Variants in DONSON observed in about 807,000 individuals in gnomAD.
DONSON encodes protein downstream neighbor of Son.
DONSON carries 43 observed loss-of-function variants against 62.1 expected under a neutral mutation model. The ratio of observed to expected loss-of-function variants is 0.69; its 90% CI spans 0.54 to 0.89. DONSON has a LOEUF of 0.89. Ranked by LOEUF, DONSON falls within the 40% of genes least tolerant of loss-of-function variation. DONSON has a pLI of 0.00. For synonymous variants in DONSON, 266 were observed against 264.6 expected, an observed-to-expected ratio of 1.01 and a Z score of -0.05; for missense variants, 696 against 697.5, an observed-to-expected ratio of 1.00 and a Z score of 0.03.
In DONSON at chr21:33,578,189, C is replaced by T. The variant is rs532257913; in HGVS notation, c.*118G>A. 1.9e-4 allele frequency: 200 copies of T among 1,075,122 alleles called. No homozygotes were observed. Among genetic ancestry groups the T allele is most frequent in the Non-Finnish European group, 2.5e-4 (187 of 759,772 alleles). 66.6% of individuals were successfully genotyped at this position (1,075,122 alleles called of 1,614,324 possible). A position where few individuals can be genotyped will look rare whatever the true frequency, so the allele number is the denominator to read the frequency against. ...AACACATTTAAAACCTTAGATGCTACTGTAGTAAAAGTTATGTTTATAAAC... is the reference window on the plus strand; with the variant it reads ...AACACATTTAAAACCTTAGATGCTATTGTAGTAAAAGTTATGTTTATAAAC... On this transcript the variant is annotated 3_prime_UTR_variant, in exon 10 of 10. Coordinates refer to ENST00000303071, the MANE Select transcript of DONSON (RefSeq NM_017613.4).
In DONSON at chr21:33,577,690, CACACACA is replaced by C. The variant is rs2086448296; in HGVS notation, c.*610_*616del. ...ACACACACACACACACACACACACA[CACACACA>C]CACACCCCTATAAGCACATTAAATA... On this transcript the variant is annotated 3_prime_UTR_variant, in exon 10 of 10. Transcript: ENST00000303071. 2 of 116,466 alleles carry C rather than the reference CACACACA, an allele frequency of 1.7e-5. No homozygotes were observed. Among genetic ancestry groups the C allele is most frequent in the African/African-American group, 3.8e-5 (1 of 26,200 alleles). The allele number at this position is 116,466 out of a possible 1,614,324, so 7.2% of individuals were successfully genotyped here.
chr21:33,586,851 T>C (rs1336187877), intron 2 of DONSON, among the ~76,000 whole-genome samples: 1 of 144,340 alleles, frequency 6.9e-6, no homozygotes, highest in African/African-American at 2.9e-5. Context: ...TTGGCCAGGC[T>C]GTTCGCGAAC....
chr21:33,579,587 A>C (rs777825261), intron 8 of DONSON, 25 bp from the exon 9 acceptor site: 1 of 1,599,828 alleles, frequency 6.3e-7, no homozygotes, highest in Non-Finnish European at 8.6e-7. Context: ...AAAGAAAAGG[A>C]AAATTAAGAT....
Position 33,581,465 on chromosome 21 carries a change from C to CTG in DONSON, c.1185_1186dup (p.Arg396ThrfsTer9). On this transcript the variant is annotated frameshift_variant, in exon 8 of 10. Transcript: ENST00000303071. LOFTEE classifies it high-confidence loss of function. ...TTTTACCAACACAACAGATTCAGGT[C>CTG]TGTGATCCATTTGTACTTCATGTTT... The CTG allele has an allele frequency of 6.2e-7, 1 of 1,613,878 alleles. No homozygotes were observed. Among genetic ancestry groups the CTG allele is most frequent in the Non-Finnish European group, 8.5e-7 (1 of 1,179,842 alleles).
In DONSON at chr21:33,577,636, C is replaced by CACACACACACACACCCCTAT. The variant is rs2086437813; in HGVS notation, c.*670_*671insATAGGGGTGTGTGTGTGTGT. 2.2e-5 allele frequency: 1 copy of CACACACACACACACCCCTAT among 44,966 alleles called. No individual in the cohort carries two copies. Among genetic ancestry groups the CACACACACACACACCCCTAT allele is most frequent in the Non-Finnish European group, 4.8e-5 (1 of 20,794 alleles). 2.8% of individuals were successfully genotyped at this position (44,966 alleles called of 1,614,324 possible). A position where few individuals can be genotyped will look rare whatever the true frequency, so the allele number is the denominator to read the frequency against. On this transcript the variant is annotated 3_prime_UTR_variant, in exon 10 of 10. Coordinates refer to ENST00000303071, the MANE Select transcript of DONSON (RefSeq NM_017613.4). ...ACACACACACACACACACACACACACACACACACACACACACACACACACA... is the reference window on the plus strand; with the variant it reads ...ACACACACACACACACACACACACACACACACACACACACCCCTATACACACACACACACACACACACACA...
In DONSON at chr21:33,588,584, G is replaced by A. The variant is rs1427574206; in HGVS notation, c.58C>T (p.Arg20Trp). Residue 20 changes from arginine to tryptophan, a missense_variant, in exon 1 of 10, where the codon CGG becomes TGG. Transcript: ENST00000303071. ...CTCCGGGCCCTTTTCCGTCGGAGCC[G>A]CACTACCTCGGGCGGCTTTCGGAAG... is the stretch of plus-strand genomic sequence containing the variant. Reference protein sequence around the residue: ...PGFRKPPEVVRLRRKRARSRG... With the variant: ...PGFRKPPEVVWLRRKRARSRG... 2.4e-6 allele frequency: 3 copies of A among 1,255,026 alleles called. No individual in the cohort carries two copies. The highest frequency in any genetic ancestry group is 2.0e-6 in the Non-Finnish European group (2 of 998,802). 77.7% of individuals were successfully genotyped at this position (1,255,026 alleles called of 1,614,324 possible). A position where few individuals can be genotyped will look rare whatever the true frequency, so the allele number is the denominator to read the frequency against.
At chr21:33,588,067 G>T (rs924095849) in intron 1 of DONSON, among the ~76,000 whole-genome samples, 1 of 152,132 alleles carries the variant, frequency 6.6e-6, no homozygotes, top group Non-Finnish European at 1.5e-5. Flanking sequence ...GCCCTCTGGG[G>T]CCCCCTCACT....
Position 33,577,641 on chromosome 21 carries a change from A to ACCCCTATAAG in DONSON, c.*665_*666insCTTATAGGGG, listed in dbSNP as rs2086438204. ...CACACACACACACACACACACACAC[A>ACCCCTATAAG]CACACACACACACACACACACACAC... On this transcript the variant is annotated 3_prime_UTR_variant, in exon 10 of 10. Transcript: ENST00000303071. The ACCCCTATAAG allele has an allele frequency of 1.6e-5, 1 of 64,196 alleles. No individual in the cohort carries two copies. The highest frequency in any genetic ancestry group is 3.5e-5 in the Non-Finnish European group (1 of 28,706). 4.0% of individuals were successfully genotyped at this position (64,196 alleles called of 1,614,324 possible).
At chr21:33,588,082 T>C (rs536701236) in intron 1 of DONSON, among the ~76,000 whole-genome samples, 1 of 152,178 alleles carries the variant, frequency 6.6e-6, no homozygotes, top group Admixed American at 6.5e-5. Flanking sequence ...CTCACTTTCC[T>C]CGGGAACGCG....
chr21:33,587,035 T>C (rs2086585048), intron 2 of DONSON, among the ~76,000 whole-genome samples: 1 of 152,188 alleles, frequency 6.6e-6, no homozygotes, highest in Non-Finnish European at 1.5e-5. Context: ...AAACTGGGTC[T>C]TGGAGAACTC....
rs867683188 is a variant in DONSON at position 33,588,591 on chromosome 21, C to T, written c.51G>A (p.Glu17=). 2 of 1,252,070 alleles carry T rather than the reference C, an allele frequency of 1.6e-6. No individual in the cohort carries two copies. Among genetic ancestry groups the T allele is most frequent in the Non-Finnish European group, 2.0e-6 (2 of 997,202 alleles). The allele number at this position is 1,252,070 out of a possible 1,614,324, so 77.6% of individuals were successfully genotyped here. The change falls in exon 1 of 10, where the codon GAG becomes GAA. Residue 17 remains glutamate (E), a synonymous_variant. Coordinates refer to ENST00000303071, the MANE Select transcript of DONSON (RefSeq NM_017613.4). ...CCCTTTTCCGTCGGAGCCGCACTACCTCGGGCGGCTTTCGGAAGCCCGGTG... is the reference window on the plus strand; with the variant it reads ...CCCTTTTCCGTCGGAGCCGCACTACTTCGGGCGGCTTTCGGAAGCCCGGTG... ...GYSPGFRKPP[E]VVRLRRKRAR... is the part of the protein sequence containing the mutation.
intron 8 of DONSON, among the ~76,000 whole-genome samples, chr21:33,580,711 G>A (rs1269294588): frequency 2.0e-5 from 3 of 151,662 alleles, no homozygotes; most frequent in Admixed American, 6.6e-5. Flanking sequence ...GTGAAACTCC[G>A]TCTATACTAA....
In DONSON at chr21:33,584,014, TTATATATATATATATA is replaced by T. The variant is rs57309977; in HGVS notation, c.786-364_786-349del. 3.0e-4 allele frequency among the ~76,000 whole-genome samples: 36 copies of T among 121,554 alleles called. No individual in the cohort carries two copies. In the South Asian group the frequency reaches 3.1e-3, roughly 11 times the overall value. 79.7% of individuals were successfully genotyped at this position (121,554 alleles called of 152,430 possible). Reference sequence around the variant, plus strand: ...GCATTAAAGAATTAGGGCTGCGTGTTTATATATATATATATATATATATATATATATACTTTTTTTT... The same window carrying T: ...GCATTAAAGAATTAGGGCTGCGTGTTTATATATATATATATACTTTTTTTT... On this transcript the variant is annotated intron_variant, in intron 4 of 9. Coordinates refer to ENST00000303071, the MANE Select transcript of DONSON (RefSeq NM_017613.4).
intron 7 of DONSON, 93 bp from the exon 8 acceptor site, chr21:33,581,593 T>C: frequency 9.8e-7 from 1 of 1,015,610 alleles, no homozygotes; most frequent in Non-Finnish European, 1.4e-6. Flanking sequence ...ACTCCTTTTC[T>C]CCATAATGAA....
chr21:33,582,108 A>G (rs1385715818), intron 6 of DONSON, 53 bp from the exon 7 acceptor site: 2 of 1,611,720 alleles, frequency 1.2e-6, no homozygotes, highest in African/African-American at 2.7e-5. Context: ...TCCTGTGCAA[A>G]TCTATTTCAT....
Position 33,577,617 on chromosome 21 carries a change from ACACACACACACACACACACAC to A in DONSON, c.*669_*689del, listed in dbSNP as rs2086435477. 3.2e-4 allele frequency: 1 copy of A among 3,078 alleles called. No homozygotes were observed. The highest frequency in any genetic ancestry group is 7.3e-4 in the African/African-American group (1 of 1,364). The allele number at this position is 3,078 out of a possible 1,614,324, so 0.2% of individuals were successfully genotyped here. On this transcript the variant is annotated 3_prime_UTR_variant, in exon 10 of 10. Transcript: ENST00000303071. ...ACAGTCCCCCCCTACACACACACAC[ACACACACACACACACACACAC>A]ACACACACACACACACACACACACA...
intron 8 of DONSON, among the ~76,000 whole-genome samples, chr21:33,580,399 CAAA>C (rs200195881): frequency 1.4e-5 from 1 of 70,392 alleles, no homozygotes; most frequent in Non-Finnish European, 2.8e-5. Context: ...ACAAAAAATA[CAAA>C]AAAAAAAAAA....
At chr21:33,580,232 A>G (rs2086489602) in intron 8 of DONSON, among the ~76,000 whole-genome samples, 3 of 138,854 alleles carry the variant, frequency 2.2e-5, no homozygotes, top group Non-Finnish European at 3.2e-5. Flanking sequence ...CCGTCTCTAA[A>G]TAGATAGATG....
In DONSON at chr21:33,581,388, C is replaced by T; in HGVS notation, c.1264G>A (p.Val422Ile). The change falls in exon 8 of 10, where the codon GTT becomes ATT. Residue 422 changes from valine (V) to isoleucine (I), a missense_variant. Val to Ile is a conservative substitution (Grantham distance 29, BLOSUM62 3). Coordinates refer to ENST00000303071, the MANE Select transcript of DONSON (RefSeq NM_017613.4). Reference sequence around the variant, plus strand: ...CCTGCCTGTGGACCTGAGGTAGCAACTAAACTCTTAGAGTTAATCAAAAAA... The same window carrying T: ...CCTGCCTGTGGACCTGAGGTAGCAATTAAACTCTTAGAGTTAATCAAAAAA... ...LNFLINSKSLVATSGPQAGLP... is the reference protein window; with the variant it reads ...LNFLINSKSLIATSGPQAGLP... The T allele has an allele frequency of 6.2e-7, 1 of 1,614,104 alleles. No individual in the cohort carries two copies. Among genetic ancestry groups the T allele is most frequent in the Non-Finnish European group, 8.5e-7 (1 of 1,180,020 alleles).
Sources: gnomAD v4.1 joint callset for allele counts (sites outside exome capture counted in the v4.1 genomes callset) on GRCh38, gnomAD v4.1.1 for gene constraint, MANE v1.5 for transcripts, NCBI Gene and HGNC (gene_info 2026-07-23, HGNC 2026-07-21) for gene names.